DIAPH1: variants seen among roughly 807,000 people sequenced by gnomAD.
The protein encoded by DIAPH1 is protein diaphanous homolog 1.
In DIAPH1, 46 loss-of-function variants were observed where a neutral mutation model predicts 140.7. The observed-to-expected ratio is 0.33, with a 90% CI of 0.26 to 0.42. The LOEUF is 0.42. DIAPH1 is among the 10% of genes least tolerant of loss of function. The pLI, the probability that DIAPH1 is intolerant of heterozygous loss-of-function variation, is 1.00. For synonymous variants in DIAPH1, 565 were observed against 551.6 expected, an observed-to-expected ratio of 1.02 and a Z score of -0.34; for missense variants, 1,310 against 1,558.7, an observed-to-expected ratio of 0.84 and a Z score of 2.69.
At chr5:141,548,575 G>A (rs1049551572) in intron 18 of DIAPH1, among the ~76,000 whole-genome samples, 4 of 152,104 alleles carry the variant, frequency 2.6e-5, no homozygotes, top group African/African-American at 9.7e-5. Flanking sequence ...TCAAAAGGAA[G>A]GTACATAACA....
At chr5:141,518,377 C>T (rs1314338442) in intron 27 of DIAPH1, among the ~76,000 whole-genome samples, 2 of 150,448 alleles carry the variant, frequency 1.3e-5, no homozygotes, top group African/African-American at 2.4e-5. Context: ...AAAGCAGTAC[C>T]GGAATGTTTT....
chr5:141,542,163 G>A (rs185620585), intron 18 of DIAPH1, among the ~76,000 whole-genome samples: 9 of 152,344 alleles, frequency 5.9e-5, no homozygotes, highest in Admixed American at 5.9e-4. Context: ...ACCAGGCGCA[G>A]TGGCTCATGC....
Position 141,579,211 on chromosome 5 carries a change from G to C in DIAPH1, c.825-15C>G, listed in dbSNP as rs2154596466. ...CCCTTTCATTCCTGCCCAAGAGAAA[G>C]GAAACGGAGAGAACTTTCCAGGTAC... On this transcript the variant is annotated splice_polypyrimidine_tract_variant and intron_variant, in intron 8 of 27. Coordinates refer to ENST00000389054, the MANE Select transcript of DIAPH1 (RefSeq NM_005219.5). 7 of 1,606,716 alleles carry C rather than the reference G, an allele frequency of 4.4e-6. No individual in the cohort carries two copies. Among genetic ancestry groups the C allele is most frequent in the Non-Finnish European group, 6.0e-6 (7 of 1,173,212 alleles).
chr5:141,609,755 G>A (rs538989840), intron 1 of DIAPH1, among the ~76,000 whole-genome samples: 2 of 152,192 alleles, frequency 1.3e-5, no homozygotes, highest in East Asian at 3.9e-4. Context: ...TTTAGAAACA[G>A]GAAGACTGGC....
chr5:141,591,938 C>G (rs756975052), intron 1 of DIAPH1, among the ~76,000 whole-genome samples: 5 of 150,084 alleles, frequency 3.3e-5, no homozygotes, highest in Non-Finnish European at 7.4e-5. Flanking sequence ...AAAAATTAGA[C>G]GGGTGTGGTG....
chr5:141,527,498 T>C, intron 24 of DIAPH1, 75 bp downstream of exon 24: 2 of 1,540,478 alleles, frequency 1.3e-6, no homozygotes, highest in Non-Finnish European at 8.9e-7. Flanking sequence ...GCCCTATCTA[T>C]CCTGTTTTTC....
chr5:141,529,827 T>C, intron 19 of DIAPH1, 130 bp from the exon 20 acceptor site: 1 of 791,492 alleles, frequency 1.3e-6, no homozygotes, highest in Non-Finnish European at 2.2e-6. Context: ...CTCATGCCTG[T>C]AATCCCAGCA....
At chr5:141,585,844 T>C (rs1177402749) in intron 3 of DIAPH1, among the ~76,000 whole-genome samples, 1 of 152,244 alleles carries the variant, frequency 6.6e-6, no homozygotes, top group Admixed American at 6.5e-5. Context: ...CAGTGGACTA[T>C]ATTTGGAATT....
chr5:141,546,041 A>G (rs192480063), intron 18 of DIAPH1, among the ~76,000 whole-genome samples: 6 of 152,330 alleles, frequency 3.9e-5, no homozygotes, highest in Non-Finnish European at 8.8e-5. Context: ...AATAAATGAA[A>G]ACTTCCCTAA....
At chr5:141,525,910 G>C in intron 26 of DIAPH1, 128 bp downstream of exon 26, 1 of 1,451,120 alleles carries the variant, frequency 6.9e-7, no homozygotes, top group South Asian at 1.1e-5. Flanking sequence ...CAGGATCTCG[G>C]AGTGAAGACT....
At chr5:141,585,278 T>G (rs1267274793) in intron 3 of DIAPH1, among the ~76,000 whole-genome samples, 1 of 152,034 alleles carries the variant, frequency 6.6e-6, no homozygotes, top group East Asian at 1.9e-4. Context: ...CTCTTGCAGA[T>G]AAACTGAACA....
At chr5:141,599,907 GTTTT>G (rs1407562838) in intron 1 of DIAPH1, among the ~76,000 whole-genome samples, 1 of 151,928 alleles carries the variant, frequency 6.6e-6, no homozygotes, top group Non-Finnish European at 1.5e-5. Context: ...TTGTTTGTTT[GTTTT>G]TGAGACAAGG....
At chr5:141,594,425 TAAAAGAAAGAAGCTGAACTG>T in intron 1 of DIAPH1, among the ~76,000 whole-genome samples, 1 of 152,222 alleles carries the variant, frequency 6.6e-6, no homozygotes, top group East Asian at 1.9e-4. Context: ...GGCATACTGC[TAAAAGAAAGAAGCTGAACTG>T]AAAAGGCTAC....
intron 1 of DIAPH1, among the ~76,000 whole-genome samples, chr5:141,591,919 TAA>T (rs1457498163): frequency 1.3e-5 from 2 of 149,414 alleles, no homozygotes; most frequent in African/African-American, 4.9e-5. Context: ...CCATCACTAC[TAA>T]AAATACAAAA....
At chr5:141,571,758 T>C (rs2099895229) in intron 17 of DIAPH1, 168 bp downstream of exon 17, 1 of 718,210 alleles carries the variant, frequency 1.4e-6, no homozygotes. Flanking sequence ...CTCCATAATA[T>C]TTAATACAAA....
chr5:141,575,534 A>AG (rs2099895836), intron 14 of DIAPH1, among the ~76,000 whole-genome samples: 1 of 152,132 alleles, frequency 6.6e-6, no homozygotes, highest in South Asian at 2.1e-4. Context: ...CTGTAATCCC[A>AG]GCTACTTGGG....
At chr5:141,524,485 C>T (rs1020128678) in intron 26 of DIAPH1, 183 of 523,014 alleles carry the variant, frequency 3.5e-4, no homozygotes, top group African/African-American at 3.2e-3. Flanking sequence ...CCCGCAATGC[C>T]ATCCTCCCCA....
At chr5:141,524,591 CA>C (rs2099887028) in intron 26 of DIAPH1, 1 of 359,012 alleles carries the variant, frequency 2.8e-6, no homozygotes, top group Non-Finnish European at 5.4e-6. Context: ...GCAACTATAT[CA>C]CTCCCTTTTA....
chr5:141,578,508 A>G lies in DIAPH1; in HGVS notation c.1044+7T>C. 1.2e-6 allele frequency: 2 copies of G among 1,610,774 alleles called. No individual in the cohort carries two copies. Among genetic ancestry groups the G allele is most frequent in the Non-Finnish European group, 1.7e-6 (2 of 1,176,942 alleles). ...TCTAGCCTTTCTAATGAAGTGTAAT[A>G]TCTTACCTGCAACACCTGATGTAGC... On this transcript the variant is annotated splice_region_variant and intron_variant, in intron 10 of 27. Transcript: ENST00000389054.
Sources: allele counts gnomAD v4.1 joint callset (sites outside exome capture counted in the v4.1 genomes callset), GRCh38; gene constraint gnomAD v4.1.1; transcripts MANE v1.5; gene names NCBI Gene and HGNC (gene_info 2026-07-23, HGNC 2026-07-21).